RASIP1: variants seen among roughly 807,000 people sequenced by gnomAD.
The protein encoded by RASIP1 is Ras interacting protein 1, also known as ras-interacting protein 1.
A neutral mutation model predicts 85.3 loss-of-function variants in RASIP1; 20 were observed. The observed-to-expected ratio is 0.23, with a 90% CI of 0.17 to 0.34. The LOEUF (loss-of-function observed/expected upper bound fraction) is 0.34, where lower values mean the gene tolerates loss of function less well. Ranked by LOEUF, RASIP1 falls within the 10% of genes least tolerant of loss-of-function variation. The pLI is 1.00. For synonymous variants in RASIP1, 617 were observed against 647.1 expected, an observed-to-expected ratio of 0.95 and a Z score of 0.71; for missense variants, 1,170 against 1,390.9, an observed-to-expected ratio of 0.84 and a Z score of 2.53.
rs899444681 is a variant in RASIP1 at position 48,724,273 on chromosome 19, A to G, written c.2544+64T>C. 20 of 1,532,872 alleles carry G rather than the reference A, an allele frequency of 1.3e-5. No individual in the cohort carries two copies. The African/African-American group carries it at 1.8e-4, about 14-fold the overall frequency. The allele number at this position is 1,532,872 out of a possible 1,614,324, so 95.0% of individuals were successfully genotyped here. ...AGCTCTGACGGTGAGCTGAATATAG[A>G]AGGTGGCTGAGGGGGGTTGAGGAGT... On this transcript the variant is annotated intron_variant, in intron 10 of 11. Transcript: ENST00000222145. This position sits in a 1 kb window ranked among gnomAD's most constrained non-coding sequence, Gnocchi z 4.6.
chr19:48,720,738 G>T lies in RASIP1; in HGVS notation c.*60C>A. 2 of 1,551,766 alleles carry T rather than the reference G, an allele frequency of 1.3e-6. No homozygotes were observed. Among genetic ancestry groups the T allele is most frequent in the Non-Finnish European group, 8.9e-7 (1 of 1,125,534 alleles). ...CCCAGAAAGCTTTGCGCTCAGGCGG[G>T]CTCCTGTCCGTAGAAGCCCGTGACA... is the stretch of plus-strand genomic sequence containing the variant. On this transcript the variant is annotated 3_prime_UTR_variant, in exon 12 of 12. Transcript: ENST00000222145.
intron 4 of RASIP1, 74 bp downstream of exon 4, chr19:48,735,122 T>G: frequency 2.2e-6 from 3 of 1,362,892 alleles, no homozygotes; most frequent in Non-Finnish European, 3.0e-6. Flanking sequence ...CTTCTGGGAG[T>G]TGTAGTTTTG....
At position 48,729,061 on chromosome 19, in the gene RASIP1, A is replaced by G; in HGVS notation, c.1709T>C (p.Leu570Pro). 1 of 1,389,600 alleles carries G rather than the reference A, an allele frequency of 7.2e-7. No individual in the cohort carries two copies. Among genetic ancestry groups the G allele is most frequent in the East Asian group, 3.1e-5 (1 of 31,968 alleles). 86.1% of individuals were successfully genotyped at this position (1,389,600 alleles called of 1,614,324 possible). A position where few individuals can be genotyped will look rare whatever the true frequency, so the allele number is the denominator to read the frequency against. Residue 570 changes from leucine (L) to proline (P), a missense_variant, in exon 5 of 12, where the codon CTG (leucine) becomes CCG (proline). Transcript: ENST00000222145. ...VRAAAAGSGD[L>P]PPLGPATLLA... ...CAGCGTGGCGGGCCCGAGGGGCGGC[A>G]GGTCTCCCGAGCCGGCGGCTGCGGC...
Position 48,738,908 on chromosome 19 carries a change from C to G in RASIP1, c.823+52G>C. 1 of 1,187,182 alleles carries G rather than the reference C, an allele frequency of 8.4e-7. No homozygotes were observed. Among genetic ancestry groups the G allele is most frequent in the Non-Finnish European group, 1.0e-6 (1 of 958,912 alleles). The allele number at this position is 1,187,182 out of a possible 1,614,324, so 73.5% of individuals were successfully genotyped here. A position where few individuals can be genotyped will look rare whatever the true frequency, so the allele number is the denominator to read the frequency against. On this transcript the variant is annotated intron_variant, in intron 3 of 11. Coordinates refer to ENST00000222145, the MANE Select transcript of RASIP1 (RefSeq NM_017805.3). This position sits in a 1 kb window ranked among gnomAD's most constrained non-coding sequence, Gnocchi z 4.0. ...CCCCGCCCAGGCCCCGCCCCACGGA[C>G]CCCGCCTCTCTGGCACCGAGTCCCC...
At position 48,738,988 on chromosome 19, in the gene RASIP1, C is replaced by T; in HGVS notation, c.795G>A (p.Gln265=). 8.0e-7 allele frequency: 1 copy of T among 1,242,542 alleles called. No homozygotes were observed. Among genetic ancestry groups the T allele is most frequent in the Non-Finnish European group, 1.0e-6 (1 of 996,990 alleles). 77.0% of individuals were successfully genotyped at this position (1,242,542 alleles called of 1,614,324 possible). A position where few individuals can be genotyped will look rare whatever the true frequency, so the allele number is the denominator to read the frequency against. ...CGCTGTCCGCGGCCCCGAAGGCCTC[C>T]TGCTCCAGGCGCCGCGCCTCCTCGC... ...RGREEARRLE[Q]EAFGAADSEG... is the part of the protein sequence containing the mutation. The change falls in exon 3 of 12, where the codon CAG becomes CAA. Residue 265 remains glutamine, a synonymous_variant. Transcript: ENST00000222145. This position sits in a 1 kb window ranked among gnomAD's most constrained non-coding sequence, Gnocchi z 4.0.
At chr19:48,733,180 A>G (rs1057386372) in intron 4 of RASIP1, among the ~76,000 whole-genome samples, 1 of 152,154 alleles carries the variant, frequency 6.6e-6, no homozygotes. Flanking sequence ...AGGTGCCACT[A>G]CATCTGGGTA....
In RASIP1 at chr19:48,738,800, C is replaced by CTA. The variant is rs1184801426; in HGVS notation, c.823+158_823+159dup. The CTA allele has an allele frequency of 6.3e-6, 6 of 948,730 alleles. No individual in the cohort carries two copies. The African/African-American group carries it at 1.0e-4, about 16-fold the overall frequency. The allele number at this position is 948,730 out of a possible 1,614,324, so 58.8% of individuals were successfully genotyped here. ...GCCCCCGGCCCTGCTCTAGCTCTGC[C>CTA]TAGAGTCCAACACGCACCGTCCAGT... On this transcript the variant is annotated intron_variant, in intron 3 of 11. Transcript: ENST00000222145. This position sits in a 1 kb window ranked among gnomAD's most constrained non-coding sequence, Gnocchi z 4.0.
rs181007271 is a variant in RASIP1 at position 48,728,511 on chromosome 19, A to G, written c.1833+426T>C. On this transcript the variant is annotated intron_variant, in intron 5 of 11. Transcript: ENST00000222145. ...CCGGGTGTGGTGGCTCACACCTGTA[A>G]TCCCAGCACTTTGGGAGGCCGAGGC... 1.6e-3 allele frequency among the ~76,000 whole-genome samples: 244 copies of G among 152,256 alleles called. 5 individuals carry two copies. Among genetic ancestry groups the G allele is most frequent in the Middle Eastern group, 3.4e-3 (1 of 294 alleles).
At chr19:48,737,057 C>A (rs1226415431) in intron 3 of RASIP1, among the ~76,000 whole-genome samples, 2 of 152,022 alleles carry the variant, frequency 1.3e-5, no homozygotes, top group East Asian at 1.9e-4. Flanking sequence ...ACAACAACAA[C>A]AAAAAAACAA....
chr19:48,733,232 C>T (rs1480477483), intron 4 of RASIP1, among the ~76,000 whole-genome samples: 1 of 152,120 alleles, frequency 6.6e-6, no homozygotes, highest in East Asian at 1.9e-4. Context: ...TCACTGTTGC[C>T]CAGGCTGGTC....
chr19:48,727,682 C>CTTTTTTTT (rs778318979), intron 5 of RASIP1, among the ~76,000 whole-genome samples: 1 of 121,800 alleles, frequency 8.2e-6, no homozygotes. Context: ...CATACGGATT[C>CTTTTTTTT]TTTTTTTTTT....
At position 48,740,592 on chromosome 19, in the gene RASIP1, T is replaced by C. The variant is rs911416729; in HGVS notation, c.-76A>G. ...GGGTCAGTTCCACTGCTCTTGCCTC[T>C]GCCACGGCTCCCAGCACTGGGTGGG... On this transcript the variant is annotated 5_prime_UTR_variant, in exon 1 of 12. Coordinates refer to ENST00000222145, the MANE Select transcript of RASIP1 (RefSeq NM_017805.3). This position sits in a 1 kb window ranked among gnomAD's most constrained non-coding sequence, Gnocchi z 5.5. 3.6e-6 allele frequency: 5 copies of C among 1,382,968 alleles called. No homozygotes were observed. Among genetic ancestry groups the C allele is most frequent in the East Asian group, 5.5e-5 (2 of 36,076 alleles). 85.7% of individuals were successfully genotyped at this position (1,382,968 alleles called of 1,614,324 possible).
At chr19:48,737,494 C>T (rs1009174181) in intron 3 of RASIP1, 11 of 985,308 alleles carry the variant, frequency 1.1e-5, no homozygotes, top group Non-Finnish European at 1.3e-5. Context: ...GTGATATCTT[C>T]CTTCAGCCCC....
At chr19:48,730,515 T>C (rs900767512) in intron 4 of RASIP1, among the ~76,000 whole-genome samples, 8 of 152,058 alleles carry the variant, frequency 5.3e-5, no homozygotes, top group African/African-American at 1.9e-4. Flanking sequence ...AAGCATTAGA[T>C]GCTTTCAAGG....
In RASIP1 at chr19:48,738,007, C is replaced by G; in HGVS notation, c.823+953G>C. On this transcript the variant is annotated intron_variant, in intron 3 of 11. Transcript: ENST00000222145. This position sits in a 1 kb window ranked among gnomAD's most constrained non-coding sequence, Gnocchi z 4.0. ...TCCCCCAGGCTGGAGTTCAGTGGCG[C>G]GATCTTGGCTCACTGCAGCCTCTGC... 1.1e-6 allele frequency: 1 copy of G among 934,762 alleles called. No homozygotes were observed. Among genetic ancestry groups the G allele is most frequent in the Non-Finnish European group, 1.3e-6 (1 of 783,956 alleles). The allele number at this position is 934,762 out of a possible 1,614,324, so 57.9% of individuals were successfully genotyped here.
Position 48,724,362 on chromosome 19 carries a change from C to T in RASIP1, c.2519G>A (p.Cys840Tyr), listed in dbSNP as rs1291762819. ...RKLSMAVNLL[C>Y]VPRTSLLKAS... ...CTTGAGCAGGGAAGTGCGGGGCACA[C>T]AGAGCAGGTTCACAGCCATGGAGAG... Residue 840 changes from cysteine (C) to tyrosine (Y), a missense_variant, in exon 10 of 12, where the codon TGT becomes TAT. Transcript: ENST00000222145. The surrounding 1 kb of genome is among the most constrained non-coding windows in gnomAD (Gnocchi z 4.6). The T allele has an allele frequency of 6.2e-7, 1 of 1,613,998 alleles. No individual in the cohort carries two copies. Among genetic ancestry groups the T allele is most frequent in the African/African-American group, 1.3e-5 (1 of 74,914 alleles).
At chr19:48,737,401 C>T (rs2033592410) in intron 3 of RASIP1, 1 of 943,054 alleles carries the variant, frequency 1.1e-6, no homozygotes, top group Non-Finnish European at 1.3e-6. Context: ...TGCGCCAGGC[C>T]CCACCCCTGC....
intron 4 of RASIP1, among the ~76,000 whole-genome samples, chr19:48,734,176 T>C (rs1374177483): frequency 1.3e-5 from 2 of 151,424 alleles, no homozygotes; most frequent in East Asian, 3.9e-4. Flanking sequence ...GCGCCTGTAG[T>C]CCCAGCTACT....
rs1193393370 is a variant in RASIP1, at chr19:48,729,481, G to T, written c.1289C>A (p.Ala430Asp). 3.2e-6 allele frequency: 5 copies of T among 1,581,230 alleles called. No homozygotes were observed. The highest frequency in any genetic ancestry group is 4.3e-6 in the Non-Finnish European group (5 of 1,164,484). ...PAPYVDTFLN[A>D]PDILPRHCTV... ...GCAGTGACGCGGCAGGATGTCCGGG[G>T]CGTTGAGGAAGGTGTCCACATAGGG... The change falls in exon 5 of 12, where the codon GCC becomes GAC. Residue 430 changes from alanine (A) to aspartate (D), a missense_variant. Physicochemically the swap from Ala to Asp is moderately radical, Grantham distance 126. Coordinates refer to ENST00000222145, the MANE Select transcript of RASIP1 (RefSeq NM_017805.3).
Sources: allele counts gnomAD v4.1 joint callset (sites outside exome capture counted in the v4.1 genomes callset), GRCh38; gene constraint gnomAD v4.1.1; non-coding constraint Gnocchi (gnomAD v3.1); transcripts MANE v1.5; gene names NCBI Gene and HGNC (gene_info 2026-07-23, HGNC 2026-07-21).